The following ERBB4 variants were observed in gnomAD, a reference collection of about 807,000 sequenced individuals.
The protein encoded by ERBB4 is erb-b2 receptor tyrosine kinase 4.
Under a neutral mutation model 158.0 loss-of-function variants are expected in ERBB4, and 42 were observed. That is an observed-to-expected ratio of 0.27 (90% CI 0.21 to 0.34). The LOEUF (loss-of-function observed/expected upper bound fraction) is 0.34. ERBB4 is among the 10% of genes least tolerant of loss of function. ERBB4 has a pLI of 1.00. For synonymous variants in ERBB4, 583 were observed against 558.7 expected (o/e 1.04, Z -0.61); for missense variants, 1,333 against 1,624.1 (o/e 0.82, Z 3.08).
intron 1 of ERBB4, among the ~76,000 whole-genome samples, chr2:212,342,764 A>G (rs1424412989): frequency 6.6e-6 from 1 of 152,196 alleles, no homozygotes; most frequent in East Asian, 1.9e-4. Context: ...TCTTTAATAA[A>G]TCATGAATCA....
chr2:212,532,200 T>C (rs888601300), intron 1 of ERBB4, among the ~76,000 whole-genome samples: 7 of 152,236 alleles, frequency 4.6e-5, no homozygotes, highest in African/African-American at 7.2e-5. Context: ...CTAATTTCCT[T>C]GCGCTGTCAG....
chr2:211,587,602 G>A (rs1444231897), intron 19 of ERBB4, among the ~76,000 whole-genome samples: 1 of 151,722 alleles, frequency 6.6e-6, no homozygotes, highest in Non-Finnish European at 1.5e-5. Flanking sequence ...TTGGAATTCT[G>A]GTTTCCAGAA....
chr2:211,528,906 C>T (rs2125656626), intron 20 of ERBB4, among the ~76,000 whole-genome samples: 1 of 151,104 alleles, frequency 6.6e-6, no homozygotes, highest in South Asian at 2.1e-4. Context: ...AAAAAAGAGG[C>T]AAAACTTCAA....
chr2:212,345,265 C>CAAAAAAAGAAAAAAAAAAAAA (rs2088936212), intron 1 of ERBB4, among the ~76,000 whole-genome samples: 1 of 77,718 alleles, frequency 1.3e-5, no homozygotes, highest in Non-Finnish European at 2.6e-5. Context: ...GACTCCGTCT[C>CAAAAAAAGAAAAAAAAAAAAA]AAAAAAAAAA....
chr2:212,327,135 G>A (rs866188369), intron 1 of ERBB4, among the ~76,000 whole-genome samples: 1 of 150,564 alleles, frequency 6.6e-6, no homozygotes, highest in Non-Finnish European at 1.5e-5. Flanking sequence ...GAGTTCATAC[G>A]TGTGAAGTAT....
At chr2:211,704,811 T>A (rs1007948162) in intron 10 of ERBB4, among the ~76,000 whole-genome samples, 6 of 152,354 alleles carry the variant, frequency 3.9e-5, no homozygotes, top group African/African-American at 1.4e-4. Context: ...ATACTCATTT[T>A]GTAATTCCAT....
At chr2:211,467,884 G>A (rs1280742659) in intron 20 of ERBB4, among the ~76,000 whole-genome samples, 2 of 152,114 alleles carry the variant, frequency 1.3e-5, no homozygotes, top group African/African-American at 4.8e-5. Context: ...AAAATATGCA[G>A]GGAAATTGGG....
chr2:212,396,226 G>A (rs1201113498), intron 1 of ERBB4, among the ~76,000 whole-genome samples: 1 of 152,028 alleles, frequency 6.6e-6, no homozygotes, highest in East Asian at 1.9e-4. Context: ...TAAGATCTGG[G>A]ACAAAGGTAT....
intron 20 of ERBB4, among the ~76,000 whole-genome samples, chr2:211,462,043 A>G (rs181112895): frequency 6.6e-4 from 100 of 152,210 alleles, no homozygotes; most frequent in African/African-American, 2.3e-3. Flanking sequence ...GCACTGACTC[A>G]ATATAAAGAA....
At chr2:211,707,176 C>T in intron 9 of ERBB4, among the ~76,000 whole-genome samples, 1 of 152,062 alleles carries the variant, frequency 6.6e-6, no homozygotes, top group East Asian at 1.9e-4. Flanking sequence ...TTCCATGTTG[C>T]CAGGAATGAA....
At chr2:211,929,229 G>A (rs1260982603) in intron 3 of ERBB4, among the ~76,000 whole-genome samples, 1 of 124,778 alleles carries the variant, frequency 8.0e-6, no homozygotes, top group Non-Finnish European at 1.7e-5. Flanking sequence ...TTTATCTTTG[G>A]AATAAGTGTG....
chr2:212,206,611 G>A (rs1212540368), intron 1 of ERBB4, among the ~76,000 whole-genome samples: 3 of 76,820 alleles, frequency 3.9e-5, no homozygotes, highest in South Asian at 2.9e-4. Flanking sequence ...TTTTTGAGAC[G>A]GAGTCTCGCT....
At chr2:211,682,419 C>G (rs2072386443) in intron 12 of ERBB4, among the ~76,000 whole-genome samples, 1 of 152,136 alleles carries the variant, frequency 6.6e-6, no homozygotes, top group African/African-American at 2.4e-5. Context: ...TGAGGGCAAT[C>G]TGTTTCACTT....
chr2:212,104,772 AG>A (rs1418739406), intron 2 of ERBB4, among the ~76,000 whole-genome samples: 1 of 152,184 alleles, frequency 6.6e-6, no homozygotes, highest in African/African-American at 2.4e-5. Flanking sequence ...TAAAAGCAGA[AG>A]TCAAGTCGAT....
intron 3 of ERBB4, among the ~76,000 whole-genome samples, chr2:211,925,854 G>T (rs1429694129): frequency 6.6e-6 from 1 of 151,478 alleles, no homozygotes; most frequent in East Asian, 1.9e-4. Context: ...TTACTGTTTT[G>T]TGTCTAGAGT....
chr2:211,485,792 G>T (rs987491291), intron 20 of ERBB4, among the ~76,000 whole-genome samples: 3 of 151,704 alleles, frequency 2.0e-5, no homozygotes, highest in African/African-American at 7.3e-5. Flanking sequence ...ACACCAGCAT[G>T]GCACATATAC....
chr2:211,465,739 C>T (rs979924823), intron 20 of ERBB4, among the ~76,000 whole-genome samples: 4 of 152,192 alleles, frequency 2.6e-5, no homozygotes, highest in South Asian at 2.1e-4. Context: ...ACTTGCCGGT[C>T]GAGAGTAGCC....
At chr2:212,433,451 T>C (rs748237288) in intron 1 of ERBB4, among the ~76,000 whole-genome samples, 5 of 152,026 alleles carry the variant, frequency 3.3e-5, no homozygotes, top group Admixed American at 2.0e-4. Context: ...TTATATATGA[T>C]TTTGAAAAGG....
intron 1 of ERBB4, among the ~76,000 whole-genome samples, chr2:212,486,334 T>A (rs911952124): frequency 3.9e-5 from 6 of 152,102 alleles, no homozygotes; most frequent in Non-Finnish European, 7.4e-5. Flanking sequence ...AAGATTTTTA[T>A]TAGAACTAAA....
Sources: gnomAD v4.1 joint callset for allele counts (sites outside exome capture counted in the v4.1 genomes callset) on GRCh38, gnomAD v4.1.1 for gene constraint, MANE v1.5 for transcripts, NCBI Gene and HGNC (gene_info 2026-07-23, HGNC 2026-07-21) for gene names.